The following LNPK variants were observed in gnomAD, a reference collection of about 807,000 sequenced individuals.
The protein encoded by LNPK is lunapark, ER junction formation factor, also known as endoplasmic reticulum junction formation protein lunapark.
LNPK carries 29 observed loss-of-function variants against 55.2 expected under a neutral mutation model. The ratio of observed to expected loss-of-function variants is 0.53; its 90% CI spans 0.39 to 0.72. The LOEUF (loss-of-function observed/expected upper bound fraction) is 0.72, where lower values mean the gene tolerates loss of function less well. Among genes scored for constraint, LNPK ranks in the 30% least tolerant of loss-of-function variants. The pLI is 0.00. For missense variants in LNPK, 467 were observed against 494.8 expected (o/e 0.94, Z 0.53); for synonymous variants, 162 against 168.2 (o/e 0.96, Z 0.29).
intron 8 of LNPK, among the ~76,000 whole-genome samples, chr2:175,957,239 T>C (rs918620772): frequency 7.2e-5 from 11 of 151,774 alleles, no homozygotes; most frequent in African/African-American, 2.4e-4. Flanking sequence ...GCACCTGTAA[T>C]CCCAGCTACT....
At position 175,952,700 on chromosome 2, in the gene LNPK, CA is replaced by C. The variant is rs71409062; in HGVS notation, c.494-5009del. 2.2e-4 allele frequency among the ~76,000 whole-genome samples: 31 copies of C among 139,488 alleles called. 1 individual carries two copies. In the East Asian group the frequency reaches 4.4e-3, roughly 20 times the overall value. 91.5% of individuals were successfully genotyped at this position (139,488 alleles called of 152,430 possible). On this transcript the variant is annotated intron_variant, in intron 8 of 12. Transcript: ENST00000272748. ...TATAGAGGCAAAGCTTTTTGAAAAA[CA>C]AAAAAAAAAACTTCTCTGCATTTCA...
Position 175,980,990 on chromosome 2 carries a change from T to A in LNPK, c.258-1122A>T, listed in dbSNP as rs944645177. On this transcript the variant is annotated intron_variant, in intron 4 of 12. Coordinates refer to ENST00000272748, the MANE Select transcript of LNPK (RefSeq NM_030650.3). The stretch of plus-strand genomic sequence containing the variant: ...ACATTGTATCTCTTGTAAAAAAAAA[T>A]TTGATTGTACTGGAAATAAATTCAG... Among the ~76,000 whole-genome samples the A allele has an allele frequency of 1.2e-4, 18 of 151,302 alleles. No individual in the cohort carries two copies. In the Middle Eastern group the frequency reaches 0.01, roughly 88 times the overall value.
rs748714050 is a variant in LNPK at position 175,964,486 on chromosome 2, T to C, written c.441+20A>G. 6 of 1,582,500 alleles carry C rather than the reference T, an allele frequency of 3.8e-6. No individual in the cohort carries two copies. The South Asian group carries it at 5.5e-5, about 15-fold the overall frequency. ...CAATGTGTAATTTATAATAAAATAG[T>C]AGTGATATCACAGTCTTACCTTTGC... is the stretch of plus-strand genomic sequence containing the variant. On this transcript the variant is annotated intron_variant, in intron 7 of 12. Coordinates refer to ENST00000272748, the MANE Select transcript of LNPK (RefSeq NM_030650.3).
chr2:175,993,580 C>T lies in LNPK; in HGVS notation c.28-357G>A, dbSNP rs569501887. Among the ~76,000 whole-genome samples the T allele has an allele frequency of 5.3e-5, 8 of 152,156 alleles. No individual in the cohort carries two copies. In the East Asian group the frequency reaches 1.4e-3, roughly 26 times the overall value. ...CTGCACTTTGGGAGGCCAAGGTGGG[C>T]GGATCACTTAGGGTCAGGAGTTTGA... On this transcript the variant is annotated intron_variant, in intron 2 of 12. Coordinates refer to ENST00000272748, the MANE Select transcript of LNPK (RefSeq NM_030650.3).
chr2:175,996,768 T>G (rs1453633607), intron 1 of LNPK, among the ~76,000 whole-genome samples: 1 of 152,234 alleles, frequency 6.6e-6, no homozygotes, highest in South Asian at 2.1e-4. Context: ...CCATAACCAC[T>G]TCTTTCAGTT....
At chr2:175,937,605 A>C in intron 11 of LNPK, 91 bp from the exon 12 acceptor site, 1 of 866,986 alleles carries the variant, frequency 1.2e-6, no homozygotes, top group Non-Finnish European at 1.7e-6. Flanking sequence ...TTTTGCAGAT[A>C]TTCAAAAGAA....
At chr2:175,941,735 G>A (rs1684850323) in intron 9 of LNPK, among the ~76,000 whole-genome samples, 2 of 140,936 alleles carry the variant, frequency 1.4e-5, no homozygotes, top group African/African-American at 2.6e-5. Context: ...AGGTTGCAGT[G>A]AGCTGAGATT....
At position 175,930,175 on chromosome 2, in the gene LNPK, T is replaced by C. The variant is rs746183158; in HGVS notation, c.1079A>G (p.Asp360Gly). 6.2e-7 allele frequency: 1 copy of C among 1,612,968 alleles called. No homozygotes were observed. ...GTCATCTGTCTGCTCTGTATTATCATCAAGAACATCGTGTTCTAAAGATTC... is the reference window on the plus strand; with the variant it reads ...GTCATCTGTCTGCTCTGTATTATCACCAAGAACATCGTGTTCTAAAGATTC... ...NEESLEHDVLDDNTEQTDDKI... is the reference protein window; with the variant it reads ...NEESLEHDVLGDNTEQTDDKI... The change falls in exon 13 of 13, where the codon GAT becomes GGT. Residue 360 changes from aspartate (D) to glycine (G), a missense_variant. Asp to Gly is a moderately conservative substitution (Grantham distance 94). Transcript: ENST00000272748.
intron 5 of LNPK, among the ~76,000 whole-genome samples, chr2:175,971,108 CT>C (rs1175246419): frequency 6.6e-6 from 1 of 151,444 alleles, no homozygotes; most frequent in Non-Finnish European, 1.5e-5. Flanking sequence ...TCTACTATTT[CT>C]TTTTCCTTTC....
intron 12 of LNPK, chr2:175,935,792 T>A (rs1270600977): frequency 1.1e-6 from 1 of 923,704 alleles, no homozygotes; most frequent in Non-Finnish European, 1.3e-6. Context: ...TTGCTCCTCC[T>A]AGATTAGATG....
In LNPK at chr2:175,970,779, G is replaced by A. The variant is rs376303913; in HGVS notation, c.342C>T (p.Ser114=). 8 of 1,372,128 alleles carry A rather than the reference G, an allele frequency of 5.8e-6. No homozygotes were observed. The highest frequency in any genetic ancestry group is 1.5e-5 in the African/African-American group (1 of 66,778). 85.0% of individuals were successfully genotyped at this position (1,372,128 alleles called of 1,614,324 possible). ...RNNEALDDLK[S]QRKKILEEVM... ...GTTAACTTACTATTTTTTTCCTCTG[G>A]GATTTTAAATCATCCAATGCTTCAT... Residue 114 remains serine, a synonymous_variant, in exon 6 of 13, where the codon TCC becomes TCT. Coordinates refer to ENST00000272748, the MANE Select transcript of LNPK (RefSeq NM_030650.3).
intron 12 of LNPK, among the ~76,000 whole-genome samples, chr2:175,930,855 A>C (rs1358370903): frequency 6.6e-6 from 1 of 152,190 alleles, no homozygotes; most frequent in Non-Finnish European, 1.5e-5. Flanking sequence ...CTAGCATGTT[A>C]GGGAGAGAAA....
At chr2:175,983,255 C>A (rs534854014) in intron 4 of LNPK, among the ~76,000 whole-genome samples, 1 of 152,182 alleles carries the variant, frequency 6.6e-6, no homozygotes, top group African/African-American at 2.4e-5. Context: ...GCACTATTTA[C>A]AAAGAGTATT....
chr2:175,936,042 C>T (rs1684529790), intron 12 of LNPK, among the ~76,000 whole-genome samples: 1 of 152,024 alleles, frequency 6.6e-6, no homozygotes, highest in Non-Finnish European at 1.5e-5. Flanking sequence ...CTTTAATTTT[C>T]AGTTCCAAAA....
intron 9 of LNPK, 121 bp from the exon 10 acceptor site, chr2:175,939,778 AAT>A: frequency 1.9e-6 from 1 of 513,366 alleles, no homozygotes; most frequent in Non-Finnish European, 3.5e-6. Context: ...AAAATAGCAA[AAT>A]ACTAATTCTT....
chr2:175,984,776 G>A (rs1415010508), intron 4 of LNPK, among the ~76,000 whole-genome samples: 1 of 152,086 alleles, frequency 6.6e-6, no homozygotes, highest in Non-Finnish European at 1.5e-5. Context: ...AATGTAAAAT[G>A]GTATAGCTAC....
chr2:175,948,447 G>A (rs1246666995), intron 8 of LNPK, among the ~76,000 whole-genome samples: 1 of 152,288 alleles, frequency 6.6e-6, no homozygotes, highest in East Asian at 1.9e-4. Flanking sequence ...TAGAGTAGTT[G>A]CAACAGAGAC....
chr2:175,988,235 C>T (rs541116737), intron 4 of LNPK, among the ~76,000 whole-genome samples: 6 of 152,140 alleles, frequency 3.9e-5, no homozygotes, highest in African/African-American at 1.4e-4. Flanking sequence ...GGCGTGGTGG[C>T]TCATGCCTGT....
Position 175,929,686 on chromosome 2 carries a change from G to A in LNPK, c.*281C>T. On this transcript the variant is annotated 3_prime_UTR_variant, in exon 13 of 13. Coordinates refer to ENST00000272748, the MANE Select transcript of LNPK (RefSeq NM_030650.3). ...ATACAGAAAACAAGAAGGCAATCATGTTTGCTTACTTTTAGAATGGACAAA... is the reference window on the plus strand; with the variant it reads ...ATACAGAAAACAAGAAGGCAATCATATTTGCTTACTTTTAGAATGGACAAA... The A allele has an allele frequency of 8.2e-7, 1 of 1,212,818 alleles. No individual in the cohort carries two copies. The highest frequency in any genetic ancestry group is 1.5e-5 in the African/African-American group (1 of 64,644). 75.1% of individuals were successfully genotyped at this position (1,212,818 alleles called of 1,614,324 possible).
Sources: gnomAD v4.1 joint callset for allele counts (sites outside exome capture counted in the v4.1 genomes callset) on GRCh38, gnomAD v4.1.1 for gene constraint, MANE v1.5 for transcripts, NCBI Gene and HGNC (gene_info 2026-07-23, HGNC 2026-07-21) for gene names.